The following AGMO variants were observed in gnomAD, a reference collection of about 807,000 sequenced individuals.
The protein encoded by AGMO is alkylglycerol monooxygenase, also known as glyceryl-ether monooxygenase.
In AGMO, 75 loss-of-function variants were observed where a neutral mutation model predicts 60.2. That is an observed-to-expected ratio of 1.25 (90% CI 1.03 to 1.51). AGMO has a LOEUF of 1.51. AGMO is among the 40% of genes most tolerant of loss of function. The pLI, the probability that AGMO is intolerant of heterozygous loss-of-function variation, is 0.00. For synonymous variants in AGMO, 261 were observed against 177.1 expected (o/e 1.47, Z -3.76); for missense variants, 763 against 525.5 (o/e 1.45, Z -4.42).
chr7:15,536,938 G>A (rs931833300), intron 3 of AGMO, among the ~76,000 whole-genome samples: 2 of 151,902 alleles, frequency 1.3e-5, no homozygotes, highest in Non-Finnish European at 2.9e-5. Context: ...TAAAATGGCT[G>A]TATTCAAATA....
intron 12 of AGMO, among the ~76,000 whole-genome samples, chr7:15,304,924 C>A (rs1317022998): frequency 1.3e-5 from 2 of 151,954 alleles, no homozygotes; most frequent in Non-Finnish European, 2.9e-5. Flanking sequence ...TCTTGGAGAG[C>A]ACACTGGATA....
At position 15,403,392 on chromosome 7, in the gene AGMO, T is replaced by C. The variant is rs1372894076; in HGVS notation, c.610-9213A>G. ...ATCTGTATGGGTTTCATTTATTCTC[T>C]GGTTATTTATTGAGTACAAGGTACT... On this transcript the variant is annotated intron_variant, in intron 5 of 12. Transcript: ENST00000342526. 2.0e-5 allele frequency among the ~76,000 whole-genome samples: 3 copies of C among 151,968 alleles called. No homozygotes were observed. In the East Asian group the frequency reaches 5.8e-4, roughly 29 times the overall value.
chr7:15,364,848 G>T (rs772731428), intron 12 of AGMO, among the ~76,000 whole-genome samples: 2 of 152,012 alleles, frequency 1.3e-5, no homozygotes, highest in Non-Finnish European at 1.5e-5. Flanking sequence ...TGGTGATGTT[G>T]GCAGGTGTCT....
chr7:15,254,871 A>G (rs1305930217), intron 12 of AGMO, among the ~76,000 whole-genome samples: 2 of 152,128 alleles, frequency 1.3e-5, no homozygotes, highest in Non-Finnish European at 2.9e-5. Flanking sequence ...GAAAACATAG[A>G]AGAAATGGAT....
chr7:15,436,909 G>A (rs911847072), intron 3 of AGMO, among the ~76,000 whole-genome samples: 1 of 152,008 alleles, frequency 6.6e-6, no homozygotes, highest in South Asian at 2.1e-4. Context: ...TTGTAGCAAC[G>A]GTCTTTAACA....
chr7:15,135,823 C>CT, the AGMO span, among the ~76,000 whole-genome samples: 25 of 150,896 alleles, frequency 1.7e-4, no homozygotes, highest in East Asian at 1.4e-3. Flanking sequence ...AAGATGAGGA[C>CT]TTTTTTTTTC....
chr7:15,530,349 G>T (rs183227569), intron 3 of AGMO, among the ~76,000 whole-genome samples: 4 of 101,746 alleles, frequency 3.9e-5, no homozygotes, highest in Admixed American at 1.2e-4. Context: ...TTCTATATAC[G>T]TATTTCTATA....
At chr7:15,222,633 T>C (rs1328651630) in intron 12 of AGMO, among the ~76,000 whole-genome samples, 2 of 152,050 alleles carry the variant, frequency 1.3e-5, no homozygotes, top group African/African-American at 4.8e-5. Flanking sequence ...AAATAAATTA[T>C]TTTCCCCATT....
At chr7:15,244,106 T>A (rs1433701371) in intron 12 of AGMO, among the ~76,000 whole-genome samples, 1 of 152,146 alleles carries the variant, frequency 6.6e-6, no homozygotes, top group South Asian at 2.1e-4. Flanking sequence ...GACAAAATGG[T>A]GTACATATGT....
intron 3 of AGMO, among the ~76,000 whole-genome samples, chr7:15,490,863 G>T (rs990608898): frequency 4.6e-5 from 7 of 152,126 alleles, no homozygotes; most frequent in Admixed American, 3.3e-4. Context: ...AAAATCTTAT[G>T]ATTTAAAAAT....
At chr7:15,419,983 T>C (rs1161152355) in intron 4 of AGMO, among the ~76,000 whole-genome samples, 1 of 152,118 alleles carries the variant, frequency 6.6e-6, no homozygotes, top group African/African-American at 2.4e-5. Context: ...GCAAAACATA[T>C]ATGGCCTATG....
chr7:15,425,081 T>C (rs1012236708), intron 4 of AGMO, among the ~76,000 whole-genome samples: 7 of 152,184 alleles, frequency 4.6e-5, no homozygotes, highest in Non-Finnish European at 8.8e-5. Context: ...TTTCAGAGAA[T>C]TTCCACACTC....
intron 3 of AGMO, among the ~76,000 whole-genome samples, chr7:15,452,094 A>G (rs751598343): frequency 4.6e-5 from 7 of 152,188 alleles, no homozygotes; most frequent in Non-Finnish European, 8.8e-5. Context: ...TTCTCAGGCT[A>G]TATTTAGATC....
intron 12 of AGMO, among the ~76,000 whole-genome samples, chr7:15,207,640 T>C (rs956190083): frequency 2.0e-5 from 3 of 152,180 alleles, no homozygotes; most frequent in Non-Finnish European, 2.9e-5. Flanking sequence ...GACACTAGCA[T>C]AAAGTGAAAA....
chr7:15,301,424 G>A (rs1048553627), intron 12 of AGMO, among the ~76,000 whole-genome samples: 15 of 151,396 alleles, frequency 9.9e-5, no homozygotes, highest in Non-Finnish European at 1.5e-4. Context: ...GGGAGACAGA[G>A]AGAGCTTCAG....
chr7:15,476,819 G>A (rs1043888109), intron 3 of AGMO, among the ~76,000 whole-genome samples: 7 of 152,100 alleles, frequency 4.6e-5, no homozygotes, highest in African/African-American at 1.7e-4. Context: ...GCCTGTCACA[G>A]AATTTAATTC....
the AGMO span, among the ~76,000 whole-genome samples, chr7:15,136,498 T>G: frequency 6.6e-6 from 1 of 152,284 alleles, no homozygotes; most frequent in South Asian, 2.1e-4. Flanking sequence ...ATCTGTATTT[T>G]TTTTTTAAAA....
chr7:15,244,632 CTTTTT>C (rs137954102), intron 12 of AGMO, among the ~76,000 whole-genome samples: 1 of 151,310 alleles, frequency 6.6e-6, no homozygotes, highest in Non-Finnish European at 1.5e-5. Flanking sequence ...TTTGCTCATT[CTTTTT>C]TTTGTTTGTT....
chr7:15,461,663 T>A (rs1782145665), intron 3 of AGMO, among the ~76,000 whole-genome samples: 1 of 152,064 alleles, frequency 6.6e-6, no homozygotes, highest in Admixed American at 6.6e-5. Flanking sequence ...TATTTGTTGA[T>A]CAGACCTCTG....
Sources: gnomAD v4.1 joint callset for allele counts (sites outside exome capture counted in the v4.1 genomes callset) on GRCh38, gnomAD v4.1.1 for gene constraint, MANE v1.5 for transcripts, NCBI Gene and HGNC (gene_info 2026-07-23, HGNC 2026-07-21) for gene names.